GABRG3: variants seen among roughly 807,000 people sequenced by gnomAD.
GABRG3 encodes the protein gamma-aminobutyric acid type A receptor subunit gamma3.
In GABRG3, 25 loss-of-function variants were observed where a neutral mutation model predicts 48.8. The ratio of observed to expected loss-of-function variants is 0.51; its 90% CI spans 0.37 to 0.72. GABRG3 has a LOEUF of 0.72. Among genes scored for constraint, GABRG3 ranks in the 30% least tolerant of loss-of-function variants. GABRG3 has a pLI of 0.00. For missense variants in GABRG3, 394 were observed against 577.9 expected (o/e 0.68, Z 3.26); for synonymous variants, 227 against 217.6 (o/e 1.04, Z -0.38).
chr15:27,380,101 A>C (rs543474818), intron 5 of GABRG3, among the ~76,000 whole-genome samples: 1 of 151,364 alleles, frequency 6.6e-6, no homozygotes, highest in Non-Finnish European at 1.5e-5. Flanking sequence ...TCTACATTTC[A>C]GATTTGAAAA....
intron 2 of GABRG3, among the ~76,000 whole-genome samples, chr15:27,020,523 TGCC>T (rs1371796193): frequency 1.3e-5 from 2 of 152,116 alleles, no homozygotes; most frequent in African/African-American, 4.8e-5. Context: ...GCCATTCTCC[TGCC>T]TCAGCCTCCT....
At position 27,042,952 on chromosome 15, in the gene GABRG3, C is replaced by G. The variant is rs199831950; in HGVS notation, c.270+16131C>G. On this transcript the variant is annotated intron_variant, in intron 3 of 9. Transcript: ENST00000615808. ...TGTCTTGAGGCTTGCATGTTGCACT[C>G]AGTCATAAGCTGTCAAGGGTGGGGG... 2.0e-5 allele frequency among the ~76,000 whole-genome samples: 3 copies of G among 152,368 alleles called. No homozygotes were observed. The East Asian group carries it at 5.8e-4, about 29-fold the overall frequency.
intron 5 of GABRG3, among the ~76,000 whole-genome samples, chr15:27,375,973 T>G (rs758635922): frequency 3.3e-5 from 5 of 152,224 alleles, no homozygotes; most frequent in Non-Finnish European, 7.3e-5. Flanking sequence ...AAGTTCCTTC[T>G]GCCTATGAGC....
chr15:27,188,292 G>A (rs1036633674), intron 3 of GABRG3, among the ~76,000 whole-genome samples: 4 of 152,246 alleles, frequency 2.6e-5, no homozygotes, highest in African/African-American at 9.6e-5. Flanking sequence ...AGATCCCTGA[G>A]GAATTGCCAC....
At chr15:27,426,133 T>A (rs571873307) in intron 5 of GABRG3, among the ~76,000 whole-genome samples, 2 of 152,272 alleles carry the variant, frequency 1.3e-5, no homozygotes, top group Admixed American at 1.3e-4. Context: ...ACTAAGGATA[T>A]CAGAGCTCTG....
At chr15:27,227,341 G>A (rs1010673579) in intron 3 of GABRG3, among the ~76,000 whole-genome samples, 2 of 151,994 alleles carry the variant, frequency 1.3e-5, no homozygotes, top group Admixed American at 6.6e-5. Context: ...AAACAGAAAA[G>A]TTACCTGGGC....
At chr15:27,500,725 G>C (rs369110396) in intron 6 of GABRG3, among the ~76,000 whole-genome samples, 1 of 152,044 alleles carries the variant, frequency 6.6e-6, no homozygotes, top group South Asian at 2.1e-4. Flanking sequence ...TGTTGTATCA[G>C]TTAAGTGAGT....
At chr15:27,348,827 G>A (rs1894463087) in intron 5 of GABRG3, among the ~76,000 whole-genome samples, 1 of 152,200 alleles carries the variant, frequency 6.6e-6, no homozygotes, top group Non-Finnish European at 1.5e-5. Context: ...GCAAGAAAAT[G>A]ATAGAACTGC....
At chr15:27,514,968 C>T (rs1410756886) in intron 6 of GABRG3, among the ~76,000 whole-genome samples, 1 of 151,810 alleles carries the variant, frequency 6.6e-6, no homozygotes. Flanking sequence ...ACTTAATGGT[C>T]CTGGGTTATT....
intron 3 of GABRG3, among the ~76,000 whole-genome samples, chr15:27,038,049 G>A (rs1017949226): frequency 2.6e-5 from 4 of 152,152 alleles, no homozygotes; most frequent in Non-Finnish European, 4.4e-5. Context: ...GCTTAGCAAG[G>A]TCGAGAGCTG....
At chr15:26,991,918 C>T (rs1895256696) in intron 2 of GABRG3, among the ~76,000 whole-genome samples, 1 of 152,074 alleles carries the variant, frequency 6.6e-6, no homozygotes, top group South Asian at 2.1e-4. Context: ...GATGGGGTTT[C>T]ACCGTGTTAG....
intron 5 of GABRG3, among the ~76,000 whole-genome samples, chr15:27,367,484 TA>T (rs1895248333): frequency 6.6e-6 from 1 of 152,180 alleles, no homozygotes; most frequent in Non-Finnish European, 1.5e-5. Flanking sequence ...TTTTTTTTCC[TA>T]AAAGGTGTTT....
chr15:27,021,885 A>C (rs1330253703), intron 2 of GABRG3, among the ~76,000 whole-genome samples: 1 of 152,166 alleles, frequency 6.6e-6, no homozygotes, highest in Admixed American at 6.5e-5. Flanking sequence ...AAAAATTTGC[A>C]TGAGAACTAT....
intron 6 of GABRG3, among the ~76,000 whole-genome samples, chr15:27,482,230 C>T (rs12440460): frequency 0.36 from 54,120 of 152,112 alleles, 10,501 homozygotes; most frequent in East Asian, 0.45. Context: ...TTTACAACCA[C>T]ATTCAATCTT....
At chr15:27,149,223 G>A (rs1233933992) in intron 3 of GABRG3, among the ~76,000 whole-genome samples, 1 of 151,998 alleles carries the variant, frequency 6.6e-6, no homozygotes, top group Non-Finnish European at 1.5e-5. Flanking sequence ...TGAAAATTAA[G>A]AGAATAATTT....
At chr15:27,205,889 T>C (rs576603471) in intron 3 of GABRG3, among the ~76,000 whole-genome samples, 1 of 152,208 alleles carries the variant, frequency 6.6e-6, no homozygotes, top group Non-Finnish European at 1.5e-5. Context: ...TAGGGTTTTT[T>C]GAATTTCTTT....
intron 5 of GABRG3, among the ~76,000 whole-genome samples, chr15:27,463,431 A>G (rs1271795688): frequency 2.6e-5 from 4 of 152,176 alleles, no homozygotes; most frequent in Non-Finnish European, 5.9e-5. Flanking sequence ...TATTTGTGTT[A>G]TTTTTTGGTA....
chr15:27,441,101 T>C (rs1275167009), intron 5 of GABRG3, among the ~76,000 whole-genome samples: 2 of 152,218 alleles, frequency 1.3e-5, no homozygotes, highest in Non-Finnish European at 2.9e-5. Context: ...GTTTTTAAAA[T>C]TATTATACAA....
intron 3 of GABRG3, among the ~76,000 whole-genome samples, chr15:27,062,460 T>C (rs1896665990): frequency 2.1e-5 from 1 of 47,186 alleles, no homozygotes. Flanking sequence ...AAAAAAAAAT[T>C]AGCCTTGCAT....
Sources: allele counts gnomAD v4.1 joint callset (sites outside exome capture counted in the v4.1 genomes callset), GRCh38; gene constraint gnomAD v4.1.1; transcripts MANE v1.5; gene names NCBI Gene and HGNC (gene_info 2026-07-23, HGNC 2026-07-21).